Variants in SEMA3E observed in about 807,000 individuals in gnomAD.
The protein encoded by SEMA3E is semaphorin-3E.
In SEMA3E, 49 loss-of-function variants were observed where a neutral mutation model predicts 93.6. The ratio of observed to expected loss-of-function variants is 0.52; its 90% CI spans 0.42 to 0.66. The LOEUF (loss-of-function observed/expected upper bound fraction) is 0.66. Ranked by LOEUF, SEMA3E falls within the 30% of genes least tolerant of loss-of-function variation. The pLI is 0.00. For synonymous variants in SEMA3E, 363 were observed against 330.7 expected, an observed-to-expected ratio of 1.10 and a Z score of -1.06; for missense variants, 906 against 964.8, an observed-to-expected ratio of 0.94 and a Z score of 0.81.
At position 83,413,305 on chromosome 7, in the gene SEMA3E, CTTATCTTG is replaced by C. The variant is rs760452425; in HGVS notation, c.551-4826_551-4819del. On this transcript the variant is annotated intron_variant, in intron 5 of 16. Coordinates refer to ENST00000643230, the MANE Select transcript of SEMA3E (RefSeq NM_012431.3). ...ATTCACAGTAGTGTTTCATGACCTT[CTTATCTTG>C]TTAAGTTTTACTCAAGCATTGCTTC... Among the ~76,000 whole-genome samples the C allele has an allele frequency of 6.8e-4, 98 of 143,148 alleles. 1 individual carries two copies. Among genetic ancestry groups the C allele is most frequent in the Non-Finnish European group, 9.8e-4 (62 of 63,550 alleles). The allele number at this position is 143,148 out of a possible 152,430, so 93.9% of individuals were successfully genotyped here.
intron 1 of SEMA3E, among the ~76,000 whole-genome samples, chr7:83,642,564 G>T (rs1274605977): frequency 1.3e-5 from 2 of 151,990 alleles, no homozygotes; most frequent in Non-Finnish European, 2.9e-5. Flanking sequence ...TTCCTATCAT[G>T]AGTGCAAAGA....
chr7:83,408,238 C>T (rs776540218), intron 6 of SEMA3E, 130 bp downstream of exon 6: 68 of 983,016 alleles, frequency 6.9e-5, no homozygotes, highest in Non-Finnish European at 9.4e-5. Flanking sequence ...AAGAATGTTG[C>T]TAGTAAAACA....
At chr7:83,597,734 A>T (rs1277745158) in intron 1 of SEMA3E, among the ~76,000 whole-genome samples, 1 of 152,192 alleles carries the variant, frequency 6.6e-6, no homozygotes, top group African/African-American at 2.4e-5. Flanking sequence ...ACTAATATGA[A>T]TTCATCAAAA....
chr7:83,546,330 G>C (rs1023529211), intron 1 of SEMA3E, among the ~76,000 whole-genome samples: 1,032 of 92,438 alleles, frequency 0.011, 9 homozygotes, highest in African/African-American at 0.091. Context: ...GGGTGTGTGT[G>C]TGTGTGTGTG....
chr7:83,518,943 A>G (rs534967917), intron 1 of SEMA3E, among the ~76,000 whole-genome samples: 3 of 152,052 alleles, frequency 2.0e-5, no homozygotes, highest in Non-Finnish European at 4.4e-5. Flanking sequence ...TTTTACTTGT[A>G]TAATCATTAG....
chr7:83,635,410 C>T (rs1376330039), intron 1 of SEMA3E, among the ~76,000 whole-genome samples: 2 of 150,900 alleles, frequency 1.3e-5, no homozygotes, highest in Non-Finnish European at 3.0e-5. Flanking sequence ...TAAAATAATC[C>T]AGTGCTTCCC....
chr7:83,436,363 A>G (rs201689179), intron 4 of SEMA3E, among the ~76,000 whole-genome samples: 1 of 133,784 alleles, frequency 7.5e-6, no homozygotes, highest in African/African-American at 2.7e-5. Context: ...GAATGAGAAT[A>G]AGAATCAAGA....
At chr7:83,646,784 ACT>A (rs1290489604) in intron 1 of SEMA3E, among the ~76,000 whole-genome samples, 2 of 151,976 alleles carry the variant, frequency 1.3e-5, no homozygotes, top group Non-Finnish European at 1.5e-5. Flanking sequence ...CAAATTATTA[ACT>A]CTCTTATGAA....
chr7:83,392,547 C>A lies in SEMA3E; in HGVS notation c.1667+8G>T, dbSNP rs764096552. 1.2e-6 allele frequency: 2 copies of A among 1,612,682 alleles called. No homozygotes were observed. The highest frequency in any genetic ancestry group is 2.2e-5 in the East Asian group (1 of 44,814). ...AAGGGAAATAGTTAATCAGGTAGCA[C>A]GTCTCACCTTTTTGCATGTGTGCCT... On this transcript the variant is annotated splice_region_variant and intron_variant, in intron 14 of 16. Coordinates refer to ENST00000643230, the MANE Select transcript of SEMA3E (RefSeq NM_012431.3).
intron 1 of SEMA3E, among the ~76,000 whole-genome samples, chr7:83,623,042 G>T (rs1366552767): frequency 1.3e-5 from 2 of 152,036 alleles, no homozygotes; most frequent in African/African-American, 4.8e-5. Flanking sequence ...TGATGTCAGG[G>T]TGATGCTTGG....
chr7:83,410,335 T>C (rs1250484174), intron 5 of SEMA3E, among the ~76,000 whole-genome samples: 2 of 152,020 alleles, frequency 1.3e-5, no homozygotes, highest in African/African-American at 4.8e-5. Context: ...ATTTTCAAGA[T>C]CACAGAGTTT....
At chr7:83,427,954 A>C (rs1455119595) in intron 4 of SEMA3E, among the ~76,000 whole-genome samples, 1 of 152,240 alleles carries the variant, frequency 6.6e-6, no homozygotes, top group Non-Finnish European at 1.5e-5. Flanking sequence ...CATTCCCAGC[A>C]TTAACATGTG....
chr7:83,414,825 C>T (rs1029438774), intron 5 of SEMA3E, among the ~76,000 whole-genome samples: 2 of 151,794 alleles, frequency 1.3e-5, no homozygotes, highest in Non-Finnish European at 2.9e-5. Context: ...CTTATCATAC[C>T]TTAGGCATTT....
chr7:83,577,858 A>G (rs908783887), intron 1 of SEMA3E, among the ~76,000 whole-genome samples: 48 of 151,722 alleles, frequency 3.2e-4, no homozygotes, highest in Admixed American at 3.0e-3. Flanking sequence ...TATCATAAAT[A>G]TAAATAATCT....
intron 4 of SEMA3E, chr7:83,424,910 G>T: frequency 3.6e-6 from 1 of 279,004 alleles, no homozygotes; most frequent in South Asian, 4.8e-5. Context: ...AGGAGGTGCT[G>T]TCAGCCTCTA....
chr7:83,452,745 AG>A (rs1198923234), intron 4 of SEMA3E, among the ~76,000 whole-genome samples: 5 of 152,218 alleles, frequency 3.3e-5, no homozygotes, highest in African/African-American at 1.2e-4. Flanking sequence ...GAAGGCCAGA[AG>A]GAACAATCCC....
chr7:83,621,657 G>A (rs1199163960), intron 1 of SEMA3E, among the ~76,000 whole-genome samples: 1 of 152,098 alleles, frequency 6.6e-6, no homozygotes, highest in African/African-American at 2.4e-5. Flanking sequence ...ATTGACCGAT[G>A]GAACAGAATA....
In SEMA3E at chr7:83,365,890, T is replaced by A. The variant is rs1214716550; in HGVS notation, c.*1696A>T. On this transcript the variant is annotated 3_prime_UTR_variant, in exon 17 of 17. Coordinates refer to ENST00000643230, the MANE Select transcript of SEMA3E (RefSeq NM_012431.3). ...GCAGGCTTTTACTGAATATAGTTTT[T>A]AAAAATACATTTCACTACATAGTCT... The A allele has an allele frequency of 6.6e-6, 1 of 152,154 alleles. No individual in the cohort carries two copies. The highest frequency in any genetic ancestry group is 2.4e-5 in the African/African-American group (1 of 41,466). The allele number at this position is 152,154 out of a possible 1,614,324, so 9.4% of individuals were successfully genotyped here.
chr7:83,647,556 G>A (rs1584385660), intron 1 of SEMA3E, among the ~76,000 whole-genome samples: 1 of 152,040 alleles, frequency 6.6e-6, no homozygotes, highest in Non-Finnish European at 1.5e-5. Context: ...GCATGGTTTT[G>A]TTTATTATTT....
Sources: gnomAD v4.1 joint callset for allele counts (sites outside exome capture counted in the v4.1 genomes callset) on GRCh38, gnomAD v4.1.1 for gene constraint, MANE v1.5 for transcripts, NCBI Gene and HGNC (gene_info 2026-07-23, HGNC 2026-07-21) for gene names.